The following ZNF469 variants were observed in gnomAD, a reference collection of about 807,000 sequenced individuals.
The protein encoded by ZNF469 is zinc finger protein 469.
In ZNF469, 1 loss-of-function variant was observed where a neutral mutation model predicts 1.0. The observed-to-expected ratio is 1.00, with a 90% confidence interval of 0.35 to 4.73. ZNF469 has a LOEUF of 4.73. Among genes scored for constraint, ZNF469 ranks in the 30% most tolerant of loss-of-function variants. ZNF469 has a pLI of 0.16. For synonymous variants in ZNF469, 2,703 were observed against 2,363.4 expected, an observed-to-expected ratio of 1.14 and a Z score of -4.17; for missense variants, 6,100 against 5,356.3, an observed-to-expected ratio of 1.14 and a Z score of -4.33.
the ZNF469 span, among the ~76,000 whole-genome samples, chr16:88,164,629 G>A: frequency 6.6e-6 from 1 of 152,176 alleles, no homozygotes; most frequent in Non-Finnish European, 1.5e-5. Context: ...GTGGATTCTG[G>A]TTCATGACAG....
At chr16:88,275,361 A>G in the ZNF469 span, among the ~76,000 whole-genome samples, 7 of 152,136 alleles carry the variant, frequency 4.6e-5, no homozygotes, top group South Asian at 2.1e-4. Flanking sequence ...ACAAGAAAAC[A>G]TGTCTTTGGA....
chr16:88,127,955 A>C, the ZNF469 span, among the ~76,000 whole-genome samples: 4 of 152,362 alleles, frequency 2.6e-5, no homozygotes, highest in African/African-American at 7.2e-5. Context: ...ACCAAGCTCC[A>C]GGACACACAG....
the ZNF469 span, among the ~76,000 whole-genome samples, chr16:88,212,336 A>G: frequency 1.3e-5 from 2 of 151,928 alleles, no homozygotes; most frequent in East Asian, 3.9e-4. Context: ...CCATGACTTC[A>G]CTTATACACA....
At chr16:88,103,640 C>T in the ZNF469 span, among the ~76,000 whole-genome samples, 32 of 152,266 alleles carry the variant, frequency 2.1e-4, no homozygotes, top group Non-Finnish European at 3.7e-4. Context: ...TCTCACCCCA[C>T]GGGAGCCCTG....
the ZNF469 span, among the ~76,000 whole-genome samples, chr16:88,202,896 G>A: frequency 6.6e-6 from 1 of 152,160 alleles, no homozygotes; most frequent in Non-Finnish European, 1.5e-5. Flanking sequence ...GTGGCCTTGA[G>A]GGCTGGAGGT....
chr16:88,237,002 C>A, the ZNF469 span, among the ~76,000 whole-genome samples: 2 of 151,640 alleles, frequency 1.3e-5, no homozygotes, highest in Non-Finnish European at 2.9e-5. Context: ...TAACAATTAC[C>A]ATATCCCTTC....
the ZNF469 span, among the ~76,000 whole-genome samples, chr16:88,314,219 C>A: frequency 8.2e-6 from 1 of 122,278 alleles, no homozygotes. Flanking sequence ...TGTGGGCTGT[C>A]TCTGTAATTA....
At chr16:88,123,033 T>C in the ZNF469 span, among the ~76,000 whole-genome samples, 2 of 152,160 alleles carry the variant, frequency 1.3e-5, no homozygotes, top group African/African-American at 4.8e-5. Context: ...TGCCTCTTTG[T>C]TGGCTATCAC....
In ZNF469 at chr16:88,432,551, T is replaced by G; in HGVS notation, c.5081T>G (p.Phe1694Cys). The G allele has an allele frequency of 6.4e-7, 1 of 1,550,404 alleles. No homozygotes were observed. Among genetic ancestry groups the G allele is most frequent in the Non-Finnish European group, 8.7e-7 (1 of 1,146,982 alleles). Reference protein sequence around the residue: ...PFSPRGANFHFQPVQKAGASK... With the variant: ...PFSPRGANFHCQPVQKAGASK... ...AGCCCCAGGGGAGCCAACTTCCATT[T>G]TCAGCCAGTGCAGAAAGCCGGAGCC... Residue 1694 changes from phenylalanine (F) to cysteine (C), a missense_variant, in exon 3 of 3, where the codon TTT becomes TGT. By Grantham distance (205) the Phe-to-Cys change is radical. Coordinates refer to ENST00000565624, the MANE Select transcript of ZNF469 (RefSeq NM_001367624.2).
At chr16:88,260,028 A>T in the ZNF469 span, among the ~76,000 whole-genome samples, 1 of 151,870 alleles carries the variant, frequency 6.6e-6, no homozygotes, top group South Asian at 2.1e-4. The surrounding 1 kb of genome is among the most constrained non-coding windows in gnomAD (Gnocchi z 4.1). Context: ...CCCAGGCTGG[A>T]GTGCAGTGGT....
chr16:88,104,467 C>G, the ZNF469 span, among the ~76,000 whole-genome samples: 1 of 152,178 alleles, frequency 6.6e-6, no homozygotes, highest in African/African-American at 2.4e-5. Context: ...TTGCCGGCCC[C>G]TTTCATTACC....
At chr16:88,182,807 A>C in the ZNF469 span, among the ~76,000 whole-genome samples, 1 of 151,718 alleles carries the variant, frequency 6.6e-6, no homozygotes, top group Non-Finnish European at 1.5e-5. Context: ...GAAGAAAACA[A>C]AAAACTGCTT....
chr16:88,247,321 GTGAATGGTGAA>G, the ZNF469 span, among the ~76,000 whole-genome samples: 1 of 144,672 alleles, frequency 6.9e-6, no homozygotes, highest in African/African-American at 2.6e-5. Flanking sequence ...GAATGAGTGA[GTGAATGGTGAA>G]TGAGTGAATG....
intron 1 of ZNF469, among the ~76,000 whole-genome samples, chr16:88,416,380 T>C (rs1276844589): frequency 6.6e-6 from 1 of 152,254 alleles, no homozygotes; most frequent in Admixed American, 6.5e-5. Context: ...ATCTGTGAGA[T>C]GGGCCTGCTG....
the ZNF469 span, among the ~76,000 whole-genome samples, chr16:88,334,341 G>A: frequency 8.5e-5 from 13 of 152,152 alleles, no homozygotes; most frequent in Admixed American, 3.3e-4. Flanking sequence ...TGAAACGCTC[G>A]GGACCAGAAG....
chr16:88,367,258 C>A, the ZNF469 span, among the ~76,000 whole-genome samples: 2 of 152,074 alleles, frequency 1.3e-5, no homozygotes, highest in Non-Finnish European at 2.9e-5. Context: ...TTGGTCCCCA[C>A]GCTCTCATCT....
the ZNF469 span, among the ~76,000 whole-genome samples, chr16:88,330,632 G>A: frequency 6.6e-6 from 1 of 152,158 alleles, no homozygotes; most frequent in Non-Finnish European, 1.5e-5. Context: ...ACGTGTAGAG[G>A]CAGAGGCATG....
intron 1 of ZNF469, among the ~76,000 whole-genome samples, chr16:88,402,020 G>GGGTGAGTGCA (rs1904894600): frequency 7.2e-6 from 1 of 138,548 alleles, no homozygotes; most frequent in African/African-American, 2.8e-5. Context: ...GGATAGATAT[G>GGGTGAGTGCA]TGGGTGGATG....
chr16:88,238,278 G>A, the ZNF469 span, among the ~76,000 whole-genome samples: 1 of 152,258 alleles, frequency 6.6e-6, no homozygotes, highest in Admixed American at 6.5e-5. Flanking sequence ...CCCGTGGGAA[G>A]GGAGAGAGGA....
Sources: allele counts gnomAD v4.1 joint callset (sites outside exome capture counted in the v4.1 genomes callset), GRCh38; gene constraint gnomAD v4.1.1; non-coding constraint Gnocchi (gnomAD v3.1); transcripts MANE v1.5; gene names NCBI Gene and HGNC (gene_info 2026-07-23, HGNC 2026-07-21).